Variants in RAB3C observed in about 807,000 individuals in gnomAD.
RAB3C encodes RAB3C, member RAS oncogene family.
A neutral mutation model predicts 26.4 loss-of-function variants in RAB3C; 17 were observed. The ratio of observed to expected loss-of-function variants is 0.64; its 90% CI spans 0.44 to 0.97. The LOEUF is 0.97. Among genes scored for constraint, RAB3C ranks in the 50% least tolerant of loss-of-function variants. The pLI is 0.00. For synonymous variants in RAB3C, 91 were observed against 95.9 expected, an observed-to-expected ratio of 0.95 and a Z score of 0.30; for missense variants, 242 against 281.9, an observed-to-expected ratio of 0.86 and a Z score of 1.01.
chr5:58,709,943 C>A (rs926600485), intron 2 of RAB3C, among the ~76,000 whole-genome samples: 10 of 152,164 alleles, frequency 6.6e-5, no homozygotes, highest in African/African-American at 1.9e-4. Flanking sequence ...CCGTGGGTAA[C>A]TTTGTGCCTT....
At chr5:58,750,939 C>T (rs1741508844) in intron 3 of RAB3C, among the ~76,000 whole-genome samples, 1 of 152,082 alleles carries the variant, frequency 6.6e-6, no homozygotes, top group Non-Finnish European at 1.5e-5. Flanking sequence ...TCTGCAACCT[C>T]CACCTCCCGG....
At position 58,668,601 on chromosome 5, in the gene RAB3C, A is replaced by C. The variant is rs183164693; in HGVS notation, c.252+50731A>C. Among the ~76,000 whole-genome samples, 11 of 152,264 alleles carry C rather than the reference A, an allele frequency of 7.2e-5. No individual in the cohort carries two copies. In the East Asian group the frequency reaches 2.1e-3, roughly 29 times the overall value. Reference sequence around the variant, plus strand: ...TCCACATTAGGTATATTTGAGGCATAATCAGGGTCAAATCAGAGAATCACC... The same window carrying C: ...TCCACATTAGGTATATTTGAGGCATCATCAGGGTCAAATCAGAGAATCACC... On this transcript the variant is annotated intron_variant, in intron 2 of 4. Coordinates refer to ENST00000282878, the MANE Select transcript of RAB3C (RefSeq NM_138453.4).
chr5:58,801,254 A>G (rs577531069), intron 3 of RAB3C, among the ~76,000 whole-genome samples: 1 of 152,350 alleles, frequency 6.6e-6, no homozygotes, highest in East Asian at 1.9e-4. Context: ...GGTTCCAAGG[A>G]TTACCTCTAC....
intron 4 of RAB3C, among the ~76,000 whole-genome samples, chr5:58,843,598 G>A (rs1265900524): frequency 6.6e-6 from 1 of 152,158 alleles, no homozygotes; most frequent in African/African-American, 2.4e-5. Flanking sequence ...TGACTTCTCA[G>A]CACTTTAATA....
At chr5:58,737,923 A>G (rs1344968489) in intron 3 of RAB3C, among the ~76,000 whole-genome samples, 4 of 152,172 alleles carry the variant, frequency 2.6e-5, no homozygotes, top group Admixed American at 2.6e-4. Context: ...GTCTTATCTT[A>G]CATAGTGAGC....
chr5:58,586,555 T>C (rs2111648365), intron 1 of RAB3C, among the ~76,000 whole-genome samples: 1 of 152,298 alleles, frequency 6.6e-6, no homozygotes, highest in East Asian at 1.9e-4. Context: ...CTATTATAAT[T>C]TCTGGCAGGG....
chr5:58,822,701 C>A (rs1743370100), intron 3 of RAB3C: 1 of 440,770 alleles, frequency 2.3e-6, no homozygotes, highest in East Asian at 4.9e-5. Flanking sequence ...ATTACTTATG[C>A]CCATATAGAA....
At chr5:58,734,781 T>C (rs758789819) in intron 3 of RAB3C, among the ~76,000 whole-genome samples, 1 of 152,216 alleles carries the variant, frequency 6.6e-6, no homozygotes, top group Non-Finnish European at 1.5e-5. Context: ...AATACTGTTA[T>C]ATCTTGGGTC....
chr5:58,627,220 G>A (rs894475829), intron 2 of RAB3C, among the ~76,000 whole-genome samples: 5 of 152,048 alleles, frequency 3.3e-5, no homozygotes, highest in Admixed American at 3.3e-4. Flanking sequence ...TCAGGATATT[G>A]CCTACTGATG....
At chr5:58,703,871 T>C (rs1331708784) in intron 2 of RAB3C, among the ~76,000 whole-genome samples, 2 of 152,216 alleles carry the variant, frequency 1.3e-5, no homozygotes, top group East Asian at 1.9e-4. Flanking sequence ...TTTGTGTTAA[T>C]GTAAATTCTC....
At chr5:58,843,655 A>T (rs566629510) in intron 4 of RAB3C, among the ~76,000 whole-genome samples, 3 of 152,114 alleles carry the variant, frequency 2.0e-5, no homozygotes, top group Admixed American at 6.6e-5. Flanking sequence ...ATTTCTTCAA[A>T]TTTTTTCAGA....
intron 2 of RAB3C, among the ~76,000 whole-genome samples, chr5:58,629,256 A>G (rs545200167): frequency 2.0e-5 from 3 of 152,114 alleles, no homozygotes; most frequent in African/African-American, 7.2e-5. Context: ...TGGAAGCCCA[A>G]ATATCTGGGA....
At chr5:58,657,009 A>G (rs1209366279) in intron 2 of RAB3C, among the ~76,000 whole-genome samples, 1 of 130,022 alleles carries the variant, frequency 7.7e-6, no homozygotes, top group Non-Finnish European at 1.7e-5. Context: ...CAACTAGTGG[A>G]TAAAGAAACT....
chr5:58,678,169 C>A (rs976329010), intron 2 of RAB3C, among the ~76,000 whole-genome samples: 2 of 152,046 alleles, frequency 1.3e-5, no homozygotes, highest in African/African-American at 4.8e-5. Flanking sequence ...TTTTAGGGAA[C>A]AATCTCCTTC....
chr5:58,842,974 A>G (rs539387044), intron 4 of RAB3C, among the ~76,000 whole-genome samples: 14 of 152,344 alleles, frequency 9.2e-5, no homozygotes, highest in African/African-American at 3.4e-4. Context: ...AAGAAGATGG[A>G]CATTAGGGAT....
chr5:58,762,033 C>A (rs1436844126), intron 3 of RAB3C, among the ~76,000 whole-genome samples: 1 of 149,418 alleles, frequency 6.7e-6, no homozygotes. Context: ...ATTTTTGGTT[C>A]CCTAGCAGCC....
chr5:58,832,492 C>T (rs757649102), intron 4 of RAB3C, among the ~76,000 whole-genome samples: 1 of 152,184 alleles, frequency 6.6e-6, no homozygotes, highest in East Asian at 1.9e-4. Flanking sequence ...TGAGCACCAA[C>T]TATTGGTCAA....
chr5:58,763,952 C>T, intron 3 of RAB3C, among the ~76,000 whole-genome samples: 1 of 152,174 alleles, frequency 6.6e-6, no homozygotes, highest in East Asian at 1.9e-4. Context: ...GCACCCACTT[C>T]TGGGAAGCCT....
intron 4 of RAB3C, 55 bp from the exon 5 acceptor site, chr5:58,851,109 A>G: frequency 6.6e-7 from 1 of 1,515,698 alleles, no homozygotes; most frequent in Non-Finnish European, 8.9e-7. Flanking sequence ...ATCAAGTCCC[A>G]TTTAATTTCA....
Sources: allele counts gnomAD v4.1 joint callset (sites outside exome capture counted in the v4.1 genomes callset), GRCh38; gene constraint gnomAD v4.1.1; transcripts MANE v1.5; gene names NCBI Gene and HGNC (gene_info 2026-07-23, HGNC 2026-07-21).